ME3: variants seen among roughly 807,000 people sequenced by gnomAD.
The protein encoded by ME3 is malic enzyme 3.
A neutral mutation model predicts 68.9 loss-of-function variants in ME3; 48 were observed. The observed-to-expected ratio is 0.70, with a 90% CI of 0.55 to 0.89. The LOEUF (loss-of-function observed/expected upper bound fraction) is 0.89, where lower values mean the gene tolerates loss of function less well. Among genes scored for constraint, ME3 ranks in the 40% least tolerant of loss-of-function variants. ME3 has a pLI of 0.00. For missense variants in ME3, 675 were observed against 797.4 expected, an observed-to-expected ratio of 0.85 and a Z score of 1.85; for synonymous variants, 320 against 318.8, an observed-to-expected ratio of 1.00 and a Z score of -0.04.
chr11:86,498,089 G>A, exon 6 of ME3: 3 of 1,613,320 alleles, frequency 1.9e-6, no homozygotes, highest in Non-Finnish European at 2.5e-6. Context: ...GGTCTCCCAG[G>A]CCCAGGATGC....
chr11:86,538,518 C>T (rs1340025508), intron 4 of ME3, among the ~76,000 whole-genome samples: 6 of 152,176 alleles, frequency 3.9e-5, no homozygotes, highest in Non-Finnish European at 7.3e-5. Flanking sequence ...CGTCAGTCCA[C>T]CACAACACAG....
Position 86,560,720 on chromosome 11 carries a change from G to GTA in ME3, c.184-898_184-897insTA, listed in dbSNP as rs1175939075. Among the ~76,000 whole-genome samples, 56 of 54,716 alleles carry GTA rather than the reference G, an allele frequency of 1.0e-3. 1 individual carries two copies. Among genetic ancestry groups the GTA allele is most frequent in the African/African-American group, 2.4e-3 (36 of 15,022 alleles). 35.9% of individuals were successfully genotyped at this position (54,716 alleles called of 152,430 possible). A position where few individuals can be genotyped will look rare whatever the true frequency, so the allele number is the denominator to read the frequency against. On this transcript the variant is annotated intron_variant, in intron 2 of 14. Coordinates refer to ENST00000543262, the Ensembl canonical transcript of ME3. ...TATAATGATATGTGTGTGTGTGTGT[G>GTA]TGTGTATGTGTGTGTGTGTGTGTGT...
At chr11:86,552,989 G>C (rs921584691) in intron 4 of ME3, among the ~76,000 whole-genome samples, 1 of 152,154 alleles carries the variant, frequency 6.6e-6, no homozygotes, top group African/African-American at 2.4e-5. Flanking sequence ...CTTCCTCTGG[G>C]TTGAGTTCTG....
intron 4 of ME3, among the ~76,000 whole-genome samples, chr11:86,531,567 C>T (rs1955233976): frequency 6.6e-6 from 1 of 152,154 alleles, no homozygotes; most frequent in Admixed American, 6.5e-5. Context: ...TATTGTGGCA[C>T]TATTCAGAAT....
chr11:86,606,243 C>A (rs1009979846), intron 2 of ME3, among the ~76,000 whole-genome samples: 5 of 152,174 alleles, frequency 3.3e-5, no homozygotes, highest in Non-Finnish European at 7.4e-5. Flanking sequence ...AATGAGAATA[C>A]TGAGGCTCGG....
At chr11:86,622,925 C>A (rs1943435988) in intron 2 of ME3, 1 of 150,602 alleles carries the variant, frequency 6.6e-6, no homozygotes, top group South Asian at 2.1e-4. Flanking sequence ...TCAAACCCTA[C>A]CTCCACCTCT....
chr11:86,649,819 C>A (rs2135424468), intron 2 of ME3, among the ~76,000 whole-genome samples: 1 of 152,240 alleles, frequency 6.6e-6, no homozygotes, highest in Admixed American at 6.5e-5. Flanking sequence ...AGGACACAAA[C>A]AAATGGAAAA....
chr11:86,640,294 G>T (rs1426435993), intron 2 of ME3, among the ~76,000 whole-genome samples: 1 of 152,180 alleles, frequency 6.6e-6, no homozygotes, highest in Non-Finnish European at 1.5e-5. Flanking sequence ...TAGCACAAAA[G>T]GCAAGCAAAG....
At chr11:86,531,276 A>G (rs916023261) in intron 4 of ME3, among the ~76,000 whole-genome samples, 1 of 152,256 alleles carries the variant, frequency 6.6e-6, no homozygotes, top group Non-Finnish European at 1.5e-5. Context: ...CATCAGAGAA[A>G]TGCAAATCAA....
At chr11:86,537,569 C>T (rs1955762572) in intron 4 of ME3, among the ~76,000 whole-genome samples, 1 of 152,174 alleles carries the variant, frequency 6.6e-6, no homozygotes, top group African/African-American at 2.4e-5. Context: ...CTTCATGAAC[C>T]TCTCAGTGTA....
intron 2 of ME3, among the ~76,000 whole-genome samples, chr11:86,628,179 C>A (rs1189800721): frequency 6.6e-6 from 1 of 152,206 alleles, no homozygotes; most frequent in Non-Finnish European, 1.5e-5. Flanking sequence ...AAAATAATTA[C>A]ATGCCAGTAT....
intron 2 of ME3, among the ~76,000 whole-genome samples, chr11:86,596,127 C>T (rs757586954): frequency 9.2e-5 from 14 of 152,156 alleles, no homozygotes; most frequent in Admixed American, 6.5e-4. Context: ...GTTCCCTTAA[C>T]GGTTGCCTTC....
chr11:86,456,016 T>G (rs970498197), intron 8 of ME3, among the ~76,000 whole-genome samples: 2 of 152,208 alleles, frequency 1.3e-5, no homozygotes, highest in Non-Finnish European at 2.9e-5. Flanking sequence ...TTTCTCTGCC[T>G]CCCTCCAAGT....
chr11:86,627,143 A>G (rs1376128498), intron 2 of ME3, among the ~76,000 whole-genome samples: 2 of 152,234 alleles, frequency 1.3e-5, no homozygotes. Context: ...CAGCCCATGC[A>G]AGATGTTGGA....
At chr11:86,671,851 G>C in exon 2 of ME3, 1 of 1,584,654 alleles carries the variant, frequency 6.3e-7, no homozygotes, top group Non-Finnish European at 8.6e-7. Flanking sequence ...TGGCAGCCTT[G>C]GGCGGGCGCG....
intron 2 of ME3, among the ~76,000 whole-genome samples, chr11:86,669,493 TCC>T (rs1181555516): frequency 1.3e-5 from 2 of 152,040 alleles, no homozygotes; most frequent in Non-Finnish European, 2.9e-5. Context: ...CGAAGGCACC[TCC>T]TCAGAGGGTG....
At chr11:86,636,317 C>T (rs1218844568) in intron 2 of ME3, among the ~76,000 whole-genome samples, 1 of 108,606 alleles carries the variant, frequency 9.2e-6, no homozygotes, top group Admixed American at 1.1e-4. Context: ...AAGGTATTTG[C>T]CCCTTGGAGC....
intron 8 of ME3, among the ~76,000 whole-genome samples, chr11:86,457,159 C>T (rs974522371): frequency 6.6e-6 from 1 of 152,142 alleles, no homozygotes; most frequent in Admixed American, 6.5e-5. Flanking sequence ...TCAATTTTGC[C>T]CTCTCTACTG....
chr11:86,611,452 A>T (rs1313257959), intron 2 of ME3, among the ~76,000 whole-genome samples: 1 of 152,134 alleles, frequency 6.6e-6, no homozygotes. Flanking sequence ...ACACAAAAAA[A>T]GGTGGGTAAC....
Sources: gnomAD v4.1 joint callset for allele counts (sites outside exome capture counted in the v4.1 genomes callset) on GRCh38, gnomAD v4.1.1 for gene constraint, MANE v1.5 for transcripts, NCBI Gene and HGNC (gene_info 2026-07-23, HGNC 2026-07-21) for gene names.